JAK2: variants seen among roughly 807,000 people sequenced by gnomAD.
JAK2 encodes tyrosine-protein kinase JAK2.
JAK2 carries 86 observed loss-of-function variants against 139.3 expected under a neutral mutation model. The observed-to-expected ratio is 0.62, with a 90% confidence interval of 0.52 to 0.74. The LOEUF is 0.74. Ranked by LOEUF, JAK2 falls within the 30% of genes least tolerant of loss-of-function variation. JAK2 has a pLI of 0.00. For synonymous variants in JAK2, 490 were observed against 437.7 expected, an observed-to-expected ratio of 1.12 and a Z score of -1.49; for missense variants, 1,421 against 1,360.3, an observed-to-expected ratio of 1.04 and a Z score of -0.70.
rs772490430 is a variant in JAK2 at position 5,126,326 on chromosome 9, G to A, written c.3178-7G>A. 1.3e-5 allele frequency: 21 copies of A among 1,578,218 alleles called. No individual in the cohort carries two copies. Among genetic ancestry groups the A allele is most frequent in the Non-Finnish European group, 1.4e-5 (16 of 1,156,220 alleles). On this transcript the variant is annotated splice_region_variant and splice_polypyrimidine_tract_variant and intron_variant, in intron 23 of 24. Transcript: ENST00000381652. Reference sequence around the variant, plus strand: ...TACAAAAAATATTGAAAGTGGGTTTGTTTTAGGAATTTATGCGTATGATTG... The same window carrying A: ...TACAAAAAATATTGAAAGTGGGTTTATTTTAGGAATTTATGCGTATGATTG...
intron 22 of JAK2, chr9:5,114,735 TGCTCTGTGGTCCATGAGACAGCGACTG>T (rs1187556120): frequency 2.8e-6 from 1 of 362,374 alleles, no homozygotes; most frequent in African/African-American, 2.1e-5. Context: ...CGAGTTCATC[TGCTCTGTGGTCCATGAGACAGCGACTG>T]GCTCACAGAC....
chr9:5,122,042 C>T (rs1161923721), intron 22 of JAK2, among the ~76,000 whole-genome samples: 2 of 152,040 alleles, frequency 1.3e-5, no homozygotes, highest in African/African-American at 4.8e-5. Flanking sequence ...TGTTTAATTA[C>T]GTAGTATGGA....
chr9:5,027,785 C>T (rs989347114), intron 3 of JAK2, among the ~76,000 whole-genome samples: 12 of 152,222 alleles, frequency 7.9e-5, no homozygotes, highest in Non-Finnish European at 1.8e-4. Flanking sequence ...AAACCACTTT[C>T]TTTGCTCATC....
intron 12 of JAK2, among the ~76,000 whole-genome samples, chr9:5,071,335 A>T (rs1299756979): frequency 1.3e-5 from 2 of 152,184 alleles, no homozygotes; most frequent in Admixed American, 1.3e-4. Context: ...GTAGACCAAC[A>T]AACATCAAAA....
intron 1 of JAK2, 58 bp downstream of exon 1, chr9:4,985,688 C>T (rs536434668): frequency 2.0e-5 from 3 of 152,768 alleles, no homozygotes; most frequent in African/African-American, 4.8e-5. Context: ...TCTCCACCCC[C>T]TTCCTACCTT....
intron 2 of JAK2, among the ~76,000 whole-genome samples, chr9:4,998,982 C>G (rs771351736): frequency 6.6e-6 from 1 of 150,738 alleles, no homozygotes; most frequent in Admixed American, 6.6e-5. Flanking sequence ...CCACCACGCC[C>G]GGCTATTTTT....
In JAK2 at chr9:5,085,553, A is replaced by G. The variant is rs141107051; in HGVS notation, c.2571+3692A>G. 654 of 697,024 alleles carry G rather than the reference A, an allele frequency of 9.4e-4. 1 individual carries two copies. The African/African-American group carries it at 0.011, about 11-fold the overall frequency. The allele number at this position is 697,024 out of a possible 1,614,324, so 43.2% of individuals were successfully genotyped here. A position where few individuals can be genotyped will look rare whatever the true frequency, so the allele number is the denominator to read the frequency against. The stretch of plus-strand genomic sequence containing the variant: ...TCTTCAATAACTCGGGTTAAAATAG[A>G]TATAACAGCTGTATTTCCAGTTTGT... On this transcript the variant is annotated intron_variant, in intron 19 of 24. Transcript: ENST00000381652.
intron 4 of JAK2, among the ~76,000 whole-genome samples, chr9:5,033,763 C>G (rs1823347052): frequency 1.3e-5 from 2 of 152,168 alleles, no homozygotes; most frequent in South Asian, 2.1e-4. Context: ...AAAGGAACAA[C>G]TGGTACCAGC....
chr9:5,114,669 G>T, intron 22 of JAK2: 1 of 441,836 alleles, frequency 2.3e-6, no homozygotes, highest in Non-Finnish European at 4.4e-6. Flanking sequence ...CAAGGGCTCT[G>T]GCGTCTTAGT....
intron 22 of JAK2, chr9:5,096,652 C>A (rs1046902573): frequency 1.3e-5 from 2 of 152,166 alleles, no homozygotes; most frequent in African/African-American, 4.8e-5. Context: ...GCCATTTTAC[C>A]CTTTTTTCCA....
At chr9:4,993,298 C>G (rs1820370047) in intron 2 of JAK2, among the ~76,000 whole-genome samples, 1 of 152,166 alleles carries the variant, frequency 6.6e-6, no homozygotes, top group Non-Finnish European at 1.5e-5. Context: ...AAGAAAGGAT[C>G]TTATAATCAC....
At chr9:5,126,133 G>C (rs1309190378) in intron 23 of JAK2, 200 bp from the exon 24 acceptor site, 2 of 472,180 alleles carry the variant, frequency 4.2e-6, no homozygotes, top group South Asian at 3.5e-5. Context: ...GTTTATTACA[G>C]CTATGGAAAT....
intron 4 of JAK2, among the ~76,000 whole-genome samples, chr9:5,032,582 G>C (rs543444304): frequency 1.3e-5 from 2 of 152,220 alleles, no homozygotes; most frequent in Non-Finnish European, 2.9e-5. Flanking sequence ...AACATTTGCT[G>C]CTCACCAATA....
At chr9:5,001,816 G>C (rs1035986347) in intron 2 of JAK2, among the ~76,000 whole-genome samples, 1 of 151,914 alleles carries the variant, frequency 6.6e-6, no homozygotes, top group African/African-American at 2.4e-5. Flanking sequence ...AGTTTTCTTT[G>C]TGGGTATGTT....
intron 22 of JAK2, among the ~76,000 whole-genome samples, chr9:5,104,237 C>A (rs565670659): frequency 2.0e-5 from 3 of 152,216 alleles, no homozygotes; most frequent in Middle Eastern, 3.4e-3. Flanking sequence ...GGGATATCAC[C>A]ACCGATCCCA....
intron 3 of JAK2, among the ~76,000 whole-genome samples, chr9:5,026,138 C>G (rs1308061240): frequency 2.0e-5 from 3 of 152,070 alleles, no homozygotes; most frequent in Non-Finnish European, 4.4e-5. Context: ...CTATTGTCTT[C>G]TACTATATTG....
chr9:5,015,528 T>A (rs1269926165), intron 2 of JAK2, among the ~76,000 whole-genome samples: 3 of 80,348 alleles, frequency 3.7e-5, no homozygotes, highest in African/African-American at 5.7e-5. Context: ...ATTCTTTTTC[T>A]TTTTCTTTTC....
chr9:5,025,607 C>T (rs1391443260), intron 3 of JAK2, among the ~76,000 whole-genome samples: 1 of 150,806 alleles, frequency 6.6e-6, no homozygotes, highest in East Asian at 1.9e-4. Flanking sequence ...GATTATGGCA[C>T]ACTGCCACCT....
intron 22 of JAK2, chr9:5,094,767 G>T (rs933216205): frequency 7.9e-5 from 12 of 152,060 alleles, no homozygotes; most frequent in Non-Finnish European, 1.8e-4. Context: ...GAATATTATT[G>T]TATAAATGCC....
Sources: gnomAD v4.1 joint callset for allele counts (sites outside exome capture counted in the v4.1 genomes callset) on GRCh38, gnomAD v4.1.1 for gene constraint, MANE v1.5 for transcripts, NCBI Gene and HGNC (gene_info 2026-07-23, HGNC 2026-07-21) for gene names.